The following EDEM1 variants were observed in gnomAD, a reference collection of about 807,000 sequenced individuals.
EDEM1 encodes ER degradation-enhancing alpha-mannosidase-like protein 1.
EDEM1 carries 67 observed loss-of-function variants against 74.4 expected under a neutral mutation model. That is an observed-to-expected ratio of 0.90 (90% CI 0.74 to 1.10). The LOEUF is 1.10. Ranked by LOEUF, EDEM1 falls within the 50% of genes least tolerant of loss-of-function variation. EDEM1 has a pLI of 0.00. For synonymous variants in EDEM1, 382 were observed against 335.9 expected, an observed-to-expected ratio of 1.14 and a Z score of -1.50; for missense variants, 926 against 851.6, an observed-to-expected ratio of 1.09 and a Z score of -1.09.
chr3:5,203,130 C>A lies in EDEM1; in HGVS notation c.1023C>A (p.Ser341Arg). Reference sequence around the variant, plus strand: ...TGAAAGCCCTTTGGAACCTCCGGAGCAATGATACAGGATTACTAGGTGTGG... The same window carrying A: ...TGAAAGCCCTTTGGAACCTCCGGAGAAATGATACAGGATTACTAGGTGTGG... ...RAVKALWNLR[S>R]NDTGLLGNVV... The change falls in exon 5 of 12, where the codon AGC (serine) becomes AGA (arginine). Residue 341 changes from serine (S) to arginine (R), a missense_variant. Physicochemically the swap from Ser to Arg is moderately radical, Grantham distance 110. Coordinates refer to ENST00000256497, the MANE Select transcript of EDEM1 (RefSeq NM_014674.3). 1 of 1,592,804 alleles carries A rather than the reference C, an allele frequency of 6.3e-7. No individual in the cohort carries two copies. Among genetic ancestry groups the A allele is most frequent in the South Asian group, 1.1e-5 (1 of 87,318 alleles).
intron 10 of EDEM1, among the ~76,000 whole-genome samples, chr3:5,212,897 T>C (rs970240535): frequency 7.2e-5 from 11 of 152,220 alleles, no homozygotes; most frequent in Non-Finnish European, 2.9e-5. Context: ...TGGTGGTGGA[T>C]AAAACTTGGT....
At chr3:5,194,858 A>G (rs1166917886) in intron 1 of EDEM1, among the ~76,000 whole-genome samples, 1 of 152,188 alleles carries the variant, frequency 6.6e-6, no homozygotes. Context: ...TTAGTTCCTA[A>G]TGATTGTGAA....
chr3:5,201,177 A>G (rs2055030542), intron 3 of EDEM1, among the ~76,000 whole-genome samples: 2 of 150,942 alleles, frequency 1.3e-5, no homozygotes, highest in African/African-American at 4.9e-5. Context: ...TTTTTTTAAG[A>G]GACAGGGTCC....
intron 6 of EDEM1, among the ~76,000 whole-genome samples, chr3:5,205,905 G>A (rs572577400): frequency 1.4e-4 from 21 of 152,174 alleles, no homozygotes; most frequent in Non-Finnish European, 2.2e-4. Context: ...AGGTTCTCGG[G>A]GGCCGTCTTA....
At chr3:5,192,294 A>T (rs1369861680) in intron 1 of EDEM1, among the ~76,000 whole-genome samples, 2 of 152,150 alleles carry the variant, frequency 1.3e-5, no homozygotes, top group African/African-American at 2.4e-5. Flanking sequence ...GAACGCAGGG[A>T]CTGTTTCTTA....
intron 3 of EDEM1, among the ~76,000 whole-genome samples, chr3:5,201,315 G>A (rs1038928681): frequency 3.3e-5 from 5 of 151,644 alleles, no homozygotes; most frequent in African/African-American, 1.2e-4. Context: ...CACTACATGC[G>A]GCTAATTTTT....
Position 5,195,200 on chromosome 3 carries a change from CT to C in EDEM1, c.510-4del. 1 of 1,472,842 alleles carries C rather than the reference CT, an allele frequency of 6.8e-7. No homozygotes were observed. The highest frequency in any genetic ancestry group is 9.1e-7 in the Non-Finnish European group (1 of 1,103,872). 91.2% of individuals were successfully genotyped at this position (1,472,842 alleles called of 1,614,324 possible). A position where few individuals can be genotyped will look rare whatever the true frequency, so the allele number is the denominator to read the frequency against. On this transcript the variant is annotated splice_polypyrimidine_tract_variant and splice_region_variant and intron_variant, in intron 1 of 11. Transcript: ENST00000256497. ...AGTCTTTTTGTTGAATTTTAATTTT[CT>C]TTTTCAGTTCAAATCTGAACATCAA... is the stretch of plus-strand genomic sequence containing the variant.
intron 3 of EDEM1, among the ~76,000 whole-genome samples, chr3:5,200,985 C>A (rs1195808031): frequency 1.3e-5 from 2 of 151,164 alleles, no homozygotes; most frequent in African/African-American, 2.4e-5. Flanking sequence ...CAGCCTTGAA[C>A]TCCTGGGCTC....
At position 5,202,967 on chromosome 3, in the gene EDEM1, T is replaced by C; in HGVS notation, c.860T>C (p.Val287Ala). 6.2e-7 allele frequency: 1 copy of C among 1,613,226 alleles called. No homozygotes were observed. The highest frequency in any genetic ancestry group is 8.5e-7 in the Non-Finnish European group (1 of 1,179,588). The change falls in exon 5 of 12, where the codon GTG becomes GCG. Residue 287 changes from valine (V) to alanine (A), a missense_variant and splice_region_variant. Transcript: ENST00000256497. ...GTCTTTGTCTGTTCCCATCCCCAGG[T>C]GAATCTAAAGACAGGAGTTCCTCCT... ...NTKTGIPYPR[V>A]NLKTGVPPDT...
intron 4 of EDEM1, 143 bp downstream of exon 4, chr3:5,202,067 A>C: frequency 9.7e-7 from 1 of 1,026,300 alleles, no homozygotes; most frequent in Non-Finnish European, 1.4e-6. Flanking sequence ...TTTGGCCTTA[A>C]ATATGATGTA....
rs2055191767 is a variant in EDEM1, at chr3:5,213,412, G to A, written c.1774G>A (p.Glu592Lys). The change falls in exon 11 of 12, where the codon GAA (glutamate) becomes AAA (lysine). Residue 592 changes from glutamate (E) to lysine (K), a missense_variant. Coordinates refer to ENST00000256497, the MANE Select transcript of EDEM1 (RefSeq NM_014674.3). The stretch of plus-strand genomic sequence containing the variant: ...TGTATCTGTGGATGAGCATCTTCGG[G>A]AATTGCCATGGAAGGAATTCTTCTC... ...HIVSVDEHLR[E>K]LPWKEFFSEE... 6.2e-7 allele frequency: 1 copy of A among 1,614,030 alleles called. No individual in the cohort carries two copies. Among genetic ancestry groups the A allele is most frequent in the South Asian group, 1.1e-5 (1 of 91,086 alleles).
chr3:5,193,475 A>T (rs1055172735), intron 1 of EDEM1, among the ~76,000 whole-genome samples: 1 of 152,210 alleles, frequency 6.6e-6, no homozygotes, highest in African/African-American at 2.4e-5. Context: ...CAACAAATAG[A>T]AAAAACAGGT....
At chr3:5,215,265 G>A (rs779890721) in intron 11 of EDEM1, among the ~76,000 whole-genome samples, 2 of 147,934 alleles carry the variant, frequency 1.4e-5, no homozygotes, top group Non-Finnish European at 3.0e-5. Context: ...CTCAAGATGT[G>A]CATCTGCTTT....
intron 10 of EDEM1, among the ~76,000 whole-genome samples, chr3:5,211,653 AGTGTGTGTGTGTGTGTGT>A (rs34661098): frequency 1.4e-5 from 2 of 146,970 alleles, no homozygotes; most frequent in African/African-American, 5.2e-5. Flanking sequence ...TGAGTGAGTG[AGTGTGTGTGTGTGTGTGT>A]GTGTGTGTGT....
chr3:5,217,509 T>C lies in EDEM1; in HGVS notation c.*1591T>C, dbSNP rs1453546525. 1 of 152,626 alleles carries C rather than the reference T, an allele frequency of 6.6e-6. No individual in the cohort carries two copies. The highest frequency in any genetic ancestry group is 1.5e-5 in the Non-Finnish European group (1 of 68,036). The allele number at this position is 152,626 out of a possible 1,614,324, so 9.5% of individuals were successfully genotyped here. A position where few individuals can be genotyped will look rare whatever the true frequency, so the allele number is the denominator to read the frequency against. On this transcript the variant is annotated 3_prime_UTR_variant, in exon 12 of 12. Transcript: ENST00000256497. ...TGCATTTTTAGTCAAAAGGGAGAAATCTTATTCCTTCTTGAAAATTTTAAG... is the reference window on the plus strand; with the variant it reads ...TGCATTTTTAGTCAAAAGGGAGAAACCTTATTCCTTCTTGAAAATTTTAAG...
intron 6 of EDEM1, among the ~76,000 whole-genome samples, chr3:5,206,273 T>C (rs1029791544): frequency 2.0e-5 from 3 of 151,470 alleles, no homozygotes; most frequent in African/African-American, 7.3e-5. Context: ...AGTGGTACGA[T>C]CTTGGCTCAC....
chr3:5,207,073 AC>A, intron 6 of EDEM1, 79 bp from the exon 7 acceptor site: 1 of 1,555,138 alleles, frequency 6.4e-7, no homozygotes, highest in Non-Finnish European at 8.7e-7. Context: ...TTTAAATGAA[AC>A]TACCAGCAGC....
intron 10 of EDEM1, chr3:5,211,469 C>T (rs1050722069): frequency 3.3e-5 from 14 of 423,576 alleles, no homozygotes; most frequent in Admixed American, 1.0e-4. Context: ...ATCCTGGTAA[C>T]GATTGATACA....
At position 5,219,662 on chromosome 3, in the gene EDEM1, A is replaced by T. The variant is rs1351208101; in HGVS notation, c.*3744A>T. ...TTTTAAATAGCAAAACACAAGCTGC[A>T]TTTTTATTTATTTTGCATAAGAAAG... On this transcript the variant is annotated 3_prime_UTR_variant, in exon 12 of 12. Coordinates refer to ENST00000256497, the MANE Select transcript of EDEM1 (RefSeq NM_014674.3). The T allele has an allele frequency of 6.6e-6, 1 of 152,644 alleles. No individual in the cohort carries two copies. Among genetic ancestry groups the T allele is most frequent in the Non-Finnish European group, 1.5e-5 (1 of 68,030 alleles). The allele number at this position is 152,644 out of a possible 1,614,324, so 9.5% of individuals were successfully genotyped here.
Sources: gnomAD v4.1 joint callset for allele counts (sites outside exome capture counted in the v4.1 genomes callset) on GRCh38, gnomAD v4.1.1 for gene constraint, MANE v1.5 for transcripts, NCBI Gene and HGNC (gene_info 2026-07-23, HGNC 2026-07-21) for gene names.